ARHGAP15: variants seen among roughly 807,000 people sequenced by gnomAD.
ARHGAP15 encodes rho GTPase-activating protein 15.
In ARHGAP15, 51 loss-of-function variants were observed where a neutral mutation model predicts 63.7. That is an observed-to-expected ratio of 0.80 (90% confidence interval 0.64 to 1.01). The LOEUF (loss-of-function observed/expected upper bound fraction) is 1.01. ARHGAP15 is among the 50% of genes least tolerant of loss of function. ARHGAP15 has a pLI of 0.00. For synonymous variants in ARHGAP15, 191 were observed against 193.8 expected, an observed-to-expected ratio of 0.99 and a Z score of 0.12; for missense variants, 560 against 564.6, an observed-to-expected ratio of 0.99 and a Z score of 0.08.
intron 6 of ARHGAP15, among the ~76,000 whole-genome samples, chr2:143,369,043 C>T (rs1686425273): frequency 6.6e-6 from 1 of 152,030 alleles, no homozygotes; most frequent in Non-Finnish European, 1.5e-5. Context: ...TCCCAATGTG[C>T]AGCAAGGGAG....
chr2:143,131,650 C>T (rs1559024539), intron 1 of ARHGAP15, among the ~76,000 whole-genome samples: 1 of 152,094 alleles, frequency 6.6e-6, no homozygotes, highest in Non-Finnish European at 1.5e-5. Context: ...CATTTTCCAG[C>T]ACTTAGGGAA....
At chr2:143,736,788 A>T (rs775059184) in intron 13 of ARHGAP15, among the ~76,000 whole-genome samples, 21 of 152,242 alleles carry the variant, frequency 1.4e-4, no homozygotes, top group Admixed American at 3.3e-4. Flanking sequence ...AGCTATTGTC[A>T]TATGAAATAG....
chr2:143,450,199 C>T (rs71423270), intron 8 of ARHGAP15, among the ~76,000 whole-genome samples: 5,391 of 146,352 alleles, frequency 0.037, 146 homozygotes, highest in Non-Finnish European at 0.05. Context: ...TTGATTTCCA[C>T]GGAAGGGTTT....
rs139184351 is a variant in ARHGAP15, at chr2:143,245,189, G to A, written c.385-5322G>A. ...AGACCAAAACCCATAGGAATCACAT[G>A]AGTGAGGAGAAATGATGAGGGCCTA... On this transcript the variant is annotated intron_variant, in intron 5 of 13. Transcript: ENST00000295095. Among the ~76,000 whole-genome samples the A allele has an allele frequency of 2.6e-3, 393 of 152,274 alleles. 2 individuals carry two copies. The highest frequency in any genetic ancestry group is 9.1e-3 in the African/African-American group (379 of 41,550).
chr2:143,707,743 G>A (rs1247629195), intron 13 of ARHGAP15, among the ~76,000 whole-genome samples: 1 of 152,192 alleles, frequency 6.6e-6, no homozygotes, highest in African/African-American at 2.4e-5. Context: ...GGGTTATGTA[G>A]AACAGGATAC....
chr2:143,763,633 GCATA>G lies in ARHGAP15; in HGVS notation c.1245-4355_1245-4352del, dbSNP rs564394446. ...ATTGCATATATATAAATAATAAATT[GCATA>G]TATATGCAAATTGCATATATATAAA... is the stretch of plus-strand genomic sequence containing the variant. On this transcript the variant is annotated intron_variant, in intron 13 of 13. Transcript: ENST00000295095. Among the ~76,000 whole-genome samples the G allele has an allele frequency of 3.3e-3, 493 of 149,718 alleles. 4 individuals carry two copies. The highest frequency in any genetic ancestry group is 0.011 in the African/African-American group (458 of 40,942).
chr2:143,540,028 G>T (rs1694971877), intron 10 of ARHGAP15, among the ~76,000 whole-genome samples: 1 of 152,130 alleles, frequency 6.6e-6, no homozygotes, highest in South Asian at 2.1e-4. Context: ...TCTCTTTGTA[G>T]GTCACTAAGG....
At chr2:143,764,904 C>T (rs1003949427) in intron 13 of ARHGAP15, among the ~76,000 whole-genome samples, 2 of 152,178 alleles carry the variant, frequency 1.3e-5, no homozygotes, top group Admixed American at 6.5e-5. Flanking sequence ...CCAAGATGCC[C>T]CATTCACCTT....
At chr2:143,668,045 C>T (rs1417543669) in intron 12 of ARHGAP15, among the ~76,000 whole-genome samples, 1 of 150,702 alleles carries the variant, frequency 6.6e-6, no homozygotes, top group Non-Finnish European at 1.5e-5. Flanking sequence ...AAAAGAGAAA[C>T]ATTTAAAAAA....
intron 11 of ARHGAP15, among the ~76,000 whole-genome samples, chr2:143,579,869 T>C (rs2105141390): frequency 6.6e-6 from 1 of 151,236 alleles, no homozygotes; most frequent in East Asian, 1.9e-4. Flanking sequence ...AACATTTGTT[T>C]TATTTTTTTA....
intron 10 of ARHGAP15, among the ~76,000 whole-genome samples, chr2:143,550,432 G>A (rs910375004): frequency 2.0e-5 from 3 of 152,180 alleles, no homozygotes; most frequent in Non-Finnish European, 2.9e-5. Context: ...CGGAATACAA[G>A]AGAAGGAGGG....
At chr2:143,181,674 G>T (rs1691239732) in intron 2 of ARHGAP15, among the ~76,000 whole-genome samples, 1 of 152,212 alleles carries the variant, frequency 6.6e-6, no homozygotes, top group Non-Finnish European at 1.5e-5. Context: ...ATTGAAGAGG[G>T]TTAGGGCCTT....
At chr2:143,355,699 T>C (rs1685778824) in intron 6 of ARHGAP15, among the ~76,000 whole-genome samples, 1 of 152,176 alleles carries the variant, frequency 6.6e-6, no homozygotes, top group Non-Finnish European at 1.5e-5. Flanking sequence ...TTTTGTCTTT[T>C]GAAATATGGA....
At chr2:143,323,709 C>T (rs943220237) in intron 6 of ARHGAP15, among the ~76,000 whole-genome samples, 7 of 151,494 alleles carry the variant, frequency 4.6e-5, no homozygotes, top group Non-Finnish European at 1.0e-4. Context: ...CACGGTGAAA[C>T]CCTGTCTCTA....
chr2:143,592,707 C>A (rs1478868134), intron 11 of ARHGAP15, among the ~76,000 whole-genome samples: 1 of 152,168 alleles, frequency 6.6e-6, no homozygotes, highest in Non-Finnish European at 1.5e-5. Context: ...ACACAAGGGG[C>A]CCTTGGACAC....
intron 6 of ARHGAP15, among the ~76,000 whole-genome samples, chr2:143,281,141 G>C (rs1159490793): frequency 1.3e-5 from 2 of 152,114 alleles, no homozygotes; most frequent in Non-Finnish European, 2.9e-5. Context: ...TAATTAGTAA[G>C]TGGTAAAAGA....
intron 8 of ARHGAP15, among the ~76,000 whole-genome samples, chr2:143,456,757 C>T (rs962335784): frequency 2.6e-5 from 4 of 151,712 alleles, no homozygotes; most frequent in African/African-American, 9.7e-5. Context: ...GTATAATTTT[C>T]CTTTTGTAAC....
intron 12 of ARHGAP15, among the ~76,000 whole-genome samples, chr2:143,639,412 A>G (rs1417648466): frequency 6.6e-6 from 1 of 152,132 alleles, no homozygotes; most frequent in Admixed American, 6.6e-5. Flanking sequence ...TTAAAAGTAA[A>G]ATAAGCACCA....
At chr2:143,148,611 GC>G (rs1689686960) in intron 1 of ARHGAP15, among the ~76,000 whole-genome samples, 1 of 152,056 alleles carries the variant, frequency 6.6e-6, no homozygotes, top group African/African-American at 2.4e-5. Flanking sequence ...GTCAGCAAAT[GC>G]AGCAAATACT....
Sources: gnomAD v4.1 joint callset for allele counts (sites outside exome capture counted in the v4.1 genomes callset) on GRCh38, gnomAD v4.1.1 for gene constraint, MANE v1.5 for transcripts, NCBI Gene and HGNC (gene_info 2026-07-23, HGNC 2026-07-21) for gene names.